LIPF: variants seen among roughly 807,000 people sequenced by gnomAD.
LIPF encodes the protein gastric triacylglycerol lipase.
LIPF carries 25 observed loss-of-function variants against 38.0 expected under a neutral mutation model. The ratio of observed to expected loss-of-function variants is 0.66; its 90% confidence interval spans 0.48 to 0.92. LIPF has a LOEUF of 0.92. Among genes scored for constraint, LIPF ranks in the 40% least tolerant of loss-of-function variants. The probability of loss-of-function intolerance (pLI) is 0.00; values close to 1 mark genes in which losing one functional copy is unlikely to be tolerated. For synonymous variants in LIPF, 161 were observed against 156.2 expected (o/e 1.03, Z -0.23); for missense variants, 410 against 469.9 (o/e 0.87, Z 1.18).
rs1841550825 is a variant in LIPF, at chr10:88,668,699, C to A, written c.365C>A (p.Thr122Asn). The A allele has an allele frequency of 6.2e-7, 1 of 1,614,086 alleles. No individual in the cohort carries two copies. Among genetic ancestry groups the A allele is most frequent in the Non-Finnish European group, 8.5e-7 (1 of 1,179,986 alleles). ...DVWLGNSRGN[T>N]WARRNLYYSP... Reference sequence around the variant, plus strand: ...TGGCTGGGCAACAGCAGAGGAAACACCTGGGCCAGAAGAAACTTGTACTAT... The same window carrying A: ...TGGCTGGGCAACAGCAGAGGAAACAACTGGGCCAGAAGAAACTTGTACTAT... The change falls in exon 4 of 10, where the codon ACC (threonine) becomes AAC (asparagine). Residue 122 changes from threonine (T) to asparagine (N), a missense_variant. Thr to Asn is a moderately conservative substitution (Grantham distance 65). Coordinates refer to ENST00000238983, the MANE Select transcript of LIPF (RefSeq NM_004190.4).
In LIPF at chr10:88,665,737, A is replaced by ATTTTTTTTTTTTTTT. The variant is rs68081693; in HGVS notation, c.-12+1256_-12+1270dup. 1.2e-3 allele frequency among the ~76,000 whole-genome samples: 124 copies of ATTTTTTTTTTTTTTT among 100,240 alleles called. 8 individuals are homozygous for ATTTTTTTTTTTTTTT. The highest frequency in any genetic ancestry group is 6.9e-3 in the Middle Eastern group (1 of 144). The allele number at this position is 100,240 out of a possible 152,430, so 65.8% of individuals were successfully genotyped here. A position where few individuals can be genotyped will look rare whatever the true frequency, so the allele number is the denominator to read the frequency against. Reference sequence around the variant, plus strand: ...AAAAACAAGGCTTAGTTAAAAACTGATTTTTTTTTTTTTTTTTTTTTTTTG... The same window carrying ATTTTTTTTTTTTTTT: ...AAAAACAAGGCTTAGTTAAAAACTGATTTTTTTTTTTTTTTTTTTTTTTTTTTTTTTTTTTTTTTG... On this transcript the variant is annotated intron_variant, in intron 1 of 9. Transcript: ENST00000238983.
In LIPF at chr10:88,668,628, G is replaced by T; in HGVS notation, c.294G>T (p.Pro98=). ...CCACAAACTGGATTTCCAACCTGCC[G>T]AACAACAGCCTTGCCTTCATTCTGG... ...ASATNWISNL[P]NNSLAFILAD... is the part of the protein sequence containing the mutation. The change falls in exon 4 of 10, where the codon CCG becomes CCT. Residue 98 remains proline, a synonymous_variant. Coordinates refer to ENST00000238983, the MANE Select transcript of LIPF (RefSeq NM_004190.4). 1 of 1,614,130 alleles carries T rather than the reference G, an allele frequency of 6.2e-7. No homozygotes were observed. Among genetic ancestry groups the T allele is most frequent in the Non-Finnish European group, 8.5e-7 (1 of 1,180,004 alleles).
chr10:88,666,037 A>G (rs1445288911), intron 1 of LIPF, among the ~76,000 whole-genome samples: 2 of 152,128 alleles, frequency 1.3e-5, no homozygotes, highest in Non-Finnish European at 2.9e-5. Context: ...GCGCTCTGCC[A>G]AAAACTGATT....
At chr10:88,666,615 G>A (rs920558019) in intron 1 of LIPF, among the ~76,000 whole-genome samples, 5 of 152,040 alleles carry the variant, frequency 3.3e-5, no homozygotes, top group African/African-American at 9.7e-5. Context: ...CCAGTGCTTT[G>A]GGAAGCCCAG....
At chr10:88,672,625 AACACACACACACACACACACAC>A (rs71471111) in intron 6 of LIPF, among the ~76,000 whole-genome samples, 2 of 130,962 alleles carry the variant, frequency 1.5e-5, no homozygotes, top group African/African-American at 5.8e-5. Context: ...CAGTAAAACC[AACACACACACACACACACACAC>A]ACACACACAC....
In LIPF at chr10:88,673,584, T is replaced by C. The variant is rs749409368; in HGVS notation, c.670-4T>C. On this transcript the variant is annotated splice_region_variant and splice_polypyrimidine_tract_variant and intron_variant, in intron 6 of 9. Coordinates refer to ENST00000238983, the MANE Select transcript of LIPF (RefSeq NM_004190.4). ...AACCCTCTAATAGTGCCTTTATTTT[T>C]CAGTTTATATTTGGTGACAAAATAT... is the stretch of plus-strand genomic sequence containing the variant. 39 of 1,604,990 alleles carry C rather than the reference T, an allele frequency of 2.4e-5. No homozygotes were observed. The highest frequency in any genetic ancestry group is 3.3e-5 in the Non-Finnish European group (39 of 1,175,348).
At chr10:88,671,993 T>A in intron 6 of LIPF, 28 bp downstream of exon 6, 3 of 1,576,064 alleles carry the variant, frequency 1.9e-6, no homozygotes, top group Non-Finnish European at 2.6e-6. Context: ...ATTAAGTGAA[T>A]CTAAGACCCT....
intron 1 of LIPF, among the ~76,000 whole-genome samples, chr10:88,664,912 T>C (rs1780425789): frequency 6.6e-6 from 1 of 152,242 alleles, no homozygotes; most frequent in African/African-American, 2.4e-5. Context: ...TCAACTGCTG[T>C]TGAATTGATC....
chr10:88,664,901 A>G (rs1354666493), intron 1 of LIPF, among the ~76,000 whole-genome samples: 2 of 152,214 alleles, frequency 1.3e-5, no homozygotes, highest in East Asian at 3.8e-4. Flanking sequence ...TATCATCCAA[A>G]TCAACTGCTG....
chr10:88,671,531 TA>T (rs1397468040), intron 5 of LIPF, among the ~76,000 whole-genome samples: 2 of 152,136 alleles, frequency 1.3e-5, no homozygotes, highest in Non-Finnish European at 2.9e-5. Flanking sequence ...AAGAAATTCA[TA>T]AAAAAATTTT....
intron 6 of LIPF, among the ~76,000 whole-genome samples, chr10:88,672,321 G>C (rs1741387726): frequency 6.6e-6 from 1 of 152,126 alleles, no homozygotes; most frequent in South Asian, 2.1e-4. Context: ...AGTCAAATGA[G>C]AAGACTAACC....
chr10:88,673,560 A>G (rs1341228903), intron 6 of LIPF, 28 bp from the exon 7 acceptor site: 11 of 1,575,184 alleles, frequency 7.0e-6, no homozygotes, highest in Non-Finnish European at 9.5e-6. Context: ...GATTGCTACA[A>G]CCCTCTAATA....
intron 1 of LIPF, among the ~76,000 whole-genome samples, chr10:88,665,328 C>T (rs1180882598): frequency 2.0e-5 from 3 of 152,116 alleles, no homozygotes; most frequent in Non-Finnish European, 4.4e-5. Flanking sequence ...AATGAATTCC[C>T]CTAACATAGA....
intron 9 of LIPF, among the ~76,000 whole-genome samples, chr10:88,677,680 G>A (rs148874492): frequency 7.2e-5 from 11 of 152,134 alleles, no homozygotes; most frequent in African/African-American, 2.6e-4. Flanking sequence ...TAGTATATTG[G>A]ATTACTATTC....
At chr10:88,676,033 A>C (rs912116651) in intron 8 of LIPF, among the ~76,000 whole-genome samples, 176 bp from the exon 9 acceptor site, 1 of 152,198 alleles carries the variant, frequency 6.6e-6, no homozygotes, top group Non-Finnish European at 1.5e-5. Context: ...TTTTGAGTGA[A>C]GCTGCATTTA....
chr10:88,668,955 G>A, intron 4 of LIPF, 199 bp downstream of exon 4: 1 of 549,726 alleles, frequency 1.8e-6, no homozygotes, highest in South Asian at 2.6e-5. Flanking sequence ...GTGATCTCAG[G>A]AGTCTCCATT....
At chr10:88,675,725 C>T (rs1841676745) in intron 8 of LIPF, 68 bp downstream of exon 8, 1 of 1,153,206 alleles carries the variant, frequency 8.7e-7, no homozygotes, top group African/African-American at 1.5e-5. Flanking sequence ...TACCTAAACA[C>T]ATTCTTAAAA....
chr10:88,671,820 C>T lies in LIPF; in HGVS notation c.533-9C>T, dbSNP rs1310617747. 1 of 1,607,346 alleles carries T rather than the reference C, an allele frequency of 6.2e-7. No homozygotes were observed. The highest frequency in any genetic ancestry group is 1.3e-5 in the African/African-American group (1 of 74,446). On this transcript the variant is annotated splice_polypyrimidine_tract_variant and intron_variant, in intron 5 of 9. Transcript: ENST00000238983. ...ACACCTTTTTCACCAGTTCCTTGTT[C>T]TTTTTCAGGTTTTATTGCCTTTTCC...
intron 6 of LIPF, 82 bp from the exon 7 acceptor site, chr10:88,673,506 T>C: frequency 2.0e-6 from 2 of 1,018,066 alleles, no homozygotes; most frequent in Middle Eastern, 2.5e-4. Flanking sequence ...TCATCACACA[T>C]GTATAAGTAG....
Sources: gnomAD v4.1 joint callset for allele counts (sites outside exome capture counted in the v4.1 genomes callset) on GRCh38, gnomAD v4.1.1 for gene constraint, MANE v1.5 for transcripts, NCBI Gene and HGNC (gene_info 2026-07-23, HGNC 2026-07-21) for gene names.